CTSD: variants seen among roughly 807,000 people sequenced by gnomAD.
CTSD encodes ceroid-lipofuscinosis, neuronal 10.
CTSD carries 28 observed loss-of-function variants against 43.6 expected under a neutral mutation model. The ratio of observed to expected loss-of-function variants is 0.64; its 90% CI spans 0.48 to 0.88. CTSD has a LOEUF of 0.88. Among genes scored for constraint, CTSD ranks in the 40% least tolerant of loss-of-function variants. The pLI is 0.00. For synonymous variants in CTSD, 270 were observed against 249.8 expected (o/e 1.08, Z -0.76); for missense variants, 485 against 555.2 (o/e 0.87, Z 1.27).
Position 1,753,797 on chromosome 11 carries a change from G to A in CTSD, c.1071+6C>T, listed in dbSNP as rs759803379. 5.1e-5 allele frequency: 83 copies of A among 1,612,914 alleles called. No homozygotes were observed. The highest frequency in any genetic ancestry group is 6.1e-5 in the Non-Finnish European group (72 of 1,179,550). ...TGGGGCGTGCGGCACCCCATTGCCC[G>A]CTCACCTTGAGCGTGTAGTCCTCTG... On this transcript the variant is annotated splice_donor_region_variant and intron_variant, in intron 8 of 8. Transcript: ENST00000236671.
intron 6 of CTSD, chr11:1,754,396 G>GGGGATGGAGGGGATGAA (rs1401062688): frequency 8.9e-6 from 5 of 564,532 alleles, no homozygotes; most frequent in African/African-American, 5.9e-5. Flanking sequence ...GAGGGATGGA[G>GGGGATGGAGGGGATGAA]GGGATGGAGG....
At chr11:1,759,846 C>T (rs759686592) in intron 2 of CTSD, among the ~76,000 whole-genome samples, 3 of 152,242 alleles carry the variant, frequency 2.0e-5, no homozygotes, top group African/African-American at 7.2e-5. Flanking sequence ...CTAATGCCCA[C>T]GGGTACTTGG....
intron 2 of CTSD, 94 bp from the exon 3 acceptor site, chr11:1,759,733 A>T: frequency 2.5e-6 from 3 of 1,201,684 alleles, no homozygotes; most frequent in Non-Finnish European, 3.4e-6. Context: ...GCCAAGGCCC[A>T]TACTGGAGGG....
chr11:1,758,012 C>G (rs1194339317), intron 4 of CTSD: 2 of 253,890 alleles, frequency 7.9e-6, no homozygotes, highest in Non-Finnish European at 1.6e-5. Flanking sequence ...TCCCCCAGCC[C>G]TGGATGAGGC....
chr11:1,754,533 A>ATGGAGGGGTGGAGGGATGGAG (rs1590904648), intron 6 of CTSD, among the ~76,000 whole-genome samples: 5 of 18,968 alleles, frequency 2.6e-4, no homozygotes, highest in African/African-American at 1.0e-3. Context: ...GAGGGGATGG[A>ATGGAGGGGTGGAGGGATGGAG]GGGATGGAGG....
chr11:1,754,538 T>A (rs1590904665), intron 6 of CTSD, among the ~76,000 whole-genome samples: 1 of 38,592 alleles, frequency 2.6e-5, no homozygotes. Context: ...GATGGAGGGA[T>A]GGAGGGATGG....
rs372689713 is a variant in CTSD, at chr11:1,759,098, C to T, written c.353-11G>A. 1.1e-4 allele frequency: 176 copies of T among 1,596,210 alleles called. No homozygotes were observed. In the African/African-American group the frequency reaches 1.6e-3, roughly 15 times the overall value. The stretch of plus-strand genomic sequence containing the variant: ...ACTTGTGGTGGATCCCTGCCCCGGG[C>T]GACAAGGGGGCCCGCCGGTCATCCC... On this transcript the variant is annotated splice_polypyrimidine_tract_variant and intron_variant, in intron 3 of 8. Transcript: ENST00000236671.
Position 1,759,680 on chromosome 11 carries a change from C to T in CTSD, c.229-41G>A, listed in dbSNP as rs1332023001. ...GTCCGTCAGGGATGGGAGAGGGGGC[C>T]CCATCTCCCCACTGGGCCTCAGAAG... On this transcript the variant is annotated intron_variant, in intron 2 of 8. Coordinates refer to ENST00000236671, the MANE Select transcript of CTSD (RefSeq NM_001909.5). The T allele has an allele frequency of 3.8e-6, 6 of 1,591,010 alleles. No homozygotes were observed. The South Asian group carries it at 6.7e-5, about 18-fold the overall frequency.
At position 1,754,833 on chromosome 11, in the gene CTSD, G is replaced by A. The variant is rs201119619; in HGVS notation, c.827+73C>T. On this transcript the variant is annotated intron_variant, in intron 6 of 8. Coordinates refer to ENST00000236671, the MANE Select transcript of CTSD (RefSeq NM_001909.5). ...ACATGCAACCCCCACCTGCAGAACC[G>A]GGGTCCTCCAGGGTCTCCGCACACC... The A allele has an allele frequency of 1.1e-3, 1,808 of 1,600,358 alleles. 12 individuals carry two copies. The African/African-American group carries it at 0.015, about 13-fold the overall frequency.
In CTSD at chr11:1,759,049, A is replaced by G; in HGVS notation, c.391T>C (p.Tyr131His). The G allele has an allele frequency of 6.2e-7, 1 of 1,614,134 alleles. No homozygotes were observed. The highest frequency in any genetic ancestry group is 8.5e-7 in the Non-Finnish European group (1 of 1,179,972). ...TCAAACGAGGTACCATTCTTCACGT[A>G]GGTGCTGGACTTGTCGCTGTTGTAC... Reference protein sequence around the residue: ...HKYNSDKSSTYVKNGTSFDIH... With the variant: ...HKYNSDKSSTHVKNGTSFDIH... The change falls in exon 4 of 9, where the codon TAC (tyrosine) becomes CAC (histidine). Residue 131 changes from tyrosine to histidine, a missense_variant. Tyr to His is a moderately conservative substitution (Grantham distance 83, BLOSUM62 2). Coordinates refer to ENST00000236671, the MANE Select transcript of CTSD (RefSeq NM_001909.5).
chr11:1,754,201 C>A, intron 6 of CTSD, 63 bp from the exon 7 acceptor site: 1 of 1,564,124 alleles, frequency 6.4e-7, no homozygotes, highest in East Asian at 2.3e-5. Flanking sequence ...GGCCCAGTGC[C>A]CCTCCCTGGG....
At position 1,759,078 on chromosome 11, in the gene CTSD, T is replaced by C. The variant is rs1299717303; in HGVS notation, c.362A>G (p.His121Arg). The C allele has an allele frequency of 1.9e-6, 3 of 1,613,286 alleles. No individual in the cohort carries two copies. The highest frequency in any genetic ancestry group is 2.5e-6 in the Non-Finnish European group (3 of 1,179,338). ...GCTGGACTTGTCGCTGTTGTACTTG[T>C]GGTGGATCCCTGCCCCGGGCGACAA... is the stretch of plus-strand genomic sequence containing the variant. ...KLLDIACWIH[H>R]KYNSDKSSTY... Residue 121 changes from histidine to arginine, a missense_variant, in exon 4 of 9, where the codon CAC (histidine) becomes CGC (arginine). His to Arg is a conservative substitution (Grantham distance 29). Transcript: ENST00000236671.
At chr11:1,759,225 G>A in intron 3 of CTSD, 138 bp from the exon 4 acceptor site, 4 of 883,930 alleles carry the variant, frequency 4.5e-6, no homozygotes, top group South Asian at 4.0e-5. Flanking sequence ...GAGGGGATCT[G>A]AGGCCCACCA....
intron 4 of CTSD, chr11:1,757,925 C>A: frequency 2.9e-6 from 1 of 342,432 alleles, no homozygotes; most frequent in Non-Finnish European, 5.6e-6. Context: ...GGCCAGGAGC[C>A]CGAGAGATGG....
chr11:1,757,539 C>T lies in CTSD; in HGVS notation c.489G>A (p.Ala163=), dbSNP rs767476700. 8.1e-6 allele frequency: 13 copies of T among 1,611,626 alleles called. No individual in the cohort carries two copies. Among genetic ancestry groups the T allele is most frequent in the Admixed American group, 1.7e-5 (1 of 59,960 alleles). The change falls in exon 5 of 9, where the codon GCG becomes GCA. Residue 163 remains alanine, a synonymous_variant. Coordinates refer to ENST00000236671, the MANE Select transcript of CTSD (RefSeq NM_001909.5). ...CACCGCCCAGGGCAGAGGCTGACGACGCTGACTGGCAGGGCACCTGCAGGC... is the reference window on the plus strand; with the variant it reads ...CACCGCCCAGGGCAGAGGCTGACGATGCTGACTGGCAGGGCACCTGCAGGC... ...QDTVSVPCQS[A]SSASALGGVK... is the part of the protein sequence containing the mutation.
chr11:1,755,520 C>T (rs867304007), intron 5 of CTSD, among the ~76,000 whole-genome samples: 19 of 152,292 alleles, frequency 1.2e-4, no homozygotes, highest in South Asian at 6.2e-4. Context: ...GAGCCACGTC[C>T]GCTCATCTCC....
chr11:1,754,124 C>A lies in CTSD; in HGVS notation c.842G>T (p.Ser281Ile). Residue 281 changes from serine to isoleucine, a missense_variant, in exon 7 of 9, where the codon AGC (serine) becomes ATC (isoleucine). Transcript: ENST00000236671. Reference sequence around the variant, plus strand: ...GCCCTCCTTGCACAGGGTCAGCCCGCTGGCCACCTCCACCCTGCGGGGAGT... The same window carrying A: ...GCCCTCCTTGCACAGGGTCAGCCCGATGGCCACCTCCACCCTGCGGGGAGT... ...QVHLDQVEVA[S>I]GLTLCKEGCE... 1 of 1,609,712 alleles carries A rather than the reference C, an allele frequency of 6.2e-7. No individual in the cohort carries two copies.
intron 5 of CTSD, among the ~76,000 whole-genome samples, chr11:1,756,450 C>T (rs184394875): frequency 1.8e-4 from 27 of 152,310 alleles, no homozygotes; most frequent in African/African-American, 6.0e-4. Context: ...CTGCCGGAAG[C>T]GATCCAAGGT....
chr11:1,753,469 C>T lies in CTSD; in HGVS notation c.*34G>A. 6.2e-7 allele frequency: 1 copy of T among 1,612,628 alleles called. No homozygotes were observed. Among genetic ancestry groups the T allele is most frequent in the Non-Finnish European group, 8.5e-7 (1 of 1,179,678 alleles). On this transcript the variant is annotated 3_prime_UTR_variant, in exon 9 of 9. Coordinates refer to ENST00000236671, the MANE Select transcript of CTSD (RefSeq NM_001909.5). ...GGGCCTCCTGCTCTGGGACTCTCCT[C>T]TGTTTCTGTGCTGGCGCGCGGACGC... is the stretch of plus-strand genomic sequence containing the variant.
Sources: gnomAD v4.1 joint callset for allele counts (sites outside exome capture counted in the v4.1 genomes callset) on GRCh38, gnomAD v4.1.1 for gene constraint, MANE v1.5 for transcripts, NCBI Gene and HGNC (gene_info 2026-07-23, HGNC 2026-07-21) for gene names.